Variants in AP3B1 observed in about 807,000 individuals in gnomAD.
AP3B1 encodes the protein AP-3 complex subunit beta-1.
In AP3B1, 61 loss-of-function variants were observed where a neutral mutation model predicts 132.5. The observed-to-expected ratio is 0.46, with a 90% CI of 0.37 to 0.57. AP3B1 has a LOEUF of 0.57. AP3B1 is among the 20% of genes least tolerant of loss of function. The probability of loss-of-function intolerance (pLI) is 0.00; values close to 1 mark genes in which losing one functional copy is unlikely to be tolerated. For missense variants in AP3B1, 1,120 were observed against 1,289.4 expected (o/e 0.87, Z 2.01); for synonymous variants, 388 against 438.3 (o/e 0.89, Z 1.43).
intron 24 of AP3B1, 111 bp from the exon 25 acceptor site, chr5:78,020,900 CT>C: frequency 4.6e-6 from 4 of 876,826 alleles, no homozygotes; most frequent in Non-Finnish European, 7.2e-6. Context: ...AGTATAAGAC[CT>C]TTTTGGTTTA....
chr5:78,074,899 C>T (rs568343549), intron 22 of AP3B1, among the ~76,000 whole-genome samples: 1 of 152,140 alleles, frequency 6.6e-6, no homozygotes, highest in Non-Finnish European at 1.5e-5. Flanking sequence ...CGCCACTGCA[C>T]TGCAGCCTGG....
intron 1 of AP3B1, among the ~76,000 whole-genome samples, chr5:78,287,950 T>C (rs1208482128): frequency 6.6e-6 from 1 of 152,152 alleles, no homozygotes; most frequent in Admixed American, 6.5e-5. Flanking sequence ...TGTATAACAG[T>C]ATGCTGACAA....
rs765309616 is a variant in AP3B1, at chr5:78,039,031, A to ATTAATAT, written c.2809+5_2809+11dup. On this transcript the variant is annotated intron_variant, in intron 23 of 26. Coordinates refer to ENST00000255194, the MANE Select transcript of AP3B1 (RefSeq NM_003664.5). ...AATATAGTTAAGGTTTTAAATGAGA[A>ATTAATAT]TTAATATTTACCTATTGGATTAAAA... The ATTAATAT allele has an allele frequency of 2.0e-6, 3 of 1,465,920 alleles. No individual in the cohort carries two copies. Among genetic ancestry groups the ATTAATAT allele is most frequent in the Non-Finnish European group, 1.9e-6 (2 of 1,048,448 alleles). 90.8% of individuals were successfully genotyped at this position (1,465,920 alleles called of 1,614,324 possible). A position where few individuals can be genotyped will look rare whatever the true frequency, so the allele number is the denominator to read the frequency against.
chr5:78,286,318 C>T (rs1171409973), intron 1 of AP3B1, among the ~76,000 whole-genome samples: 1 of 152,098 alleles, frequency 6.6e-6, no homozygotes, highest in Non-Finnish European at 1.5e-5. Context: ...ACTTAATGGC[C>T]AATATGATAG....
intron 22 of AP3B1, among the ~76,000 whole-genome samples, chr5:78,060,234 A>T (rs1435387765): frequency 1.3e-5 from 2 of 152,208 alleles, no homozygotes; most frequent in Non-Finnish European, 1.5e-5. Flanking sequence ...TTCTGCAACC[A>T]TTTGTGTCAA....
chr5:78,108,385 A>AGAAT (rs1192201010), intron 20 of AP3B1, among the ~76,000 whole-genome samples: 23 of 152,328 alleles, frequency 1.5e-4, no homozygotes, highest in South Asian at 2.1e-4. Flanking sequence ...CATGGTATAC[A>AGAAT]CCAAATCATT....
intron 22 of AP3B1, among the ~76,000 whole-genome samples, chr5:78,069,330 C>T (rs987150232): frequency 6.6e-6 from 1 of 152,162 alleles, no homozygotes; most frequent in African/African-American, 2.4e-5. Context: ...TTGCAGATGA[C>T]ATGATCTTAT....
At chr5:78,030,288 T>C (rs1227254006) in intron 24 of AP3B1, among the ~76,000 whole-genome samples, 1 of 152,108 alleles carries the variant, frequency 6.6e-6, no homozygotes, top group Non-Finnish European at 1.5e-5. Context: ...CAGGCATGCA[T>C]CACCATGCCT....
Position 78,294,645 on chromosome 5 carries a change from G to T in AP3B1, c.-66C>A. 1 of 1,609,792 alleles carries T rather than the reference G, an allele frequency of 6.2e-7. No individual in the cohort carries two copies. The highest frequency in any genetic ancestry group is 8.5e-7 in the Non-Finnish European group (1 of 1,179,228). On this transcript the variant is annotated 5_prime_UTR_variant, in exon 1 of 27. In the 5' UTR this introduces an upstream ATG that the reference lacks. Coordinates refer to ENST00000255194, the MANE Select transcript of AP3B1 (RefSeq NM_003664.5). ...GTTCTCTCCAAAAGGTTCCAGTCCA[G>T]AGGGCACGGAACAAAACTAGTTCTC... is the stretch of plus-strand genomic sequence containing the variant.
At chr5:78,207,090 T>C (rs1223673814) in intron 7 of AP3B1, among the ~76,000 whole-genome samples, 1 of 152,036 alleles carries the variant, frequency 6.6e-6, no homozygotes, top group Non-Finnish European at 1.5e-5. Context: ...AAACCCCGTC[T>C]CTACCAGAAA....
chr5:78,176,547 A>C (rs993408364), intron 9 of AP3B1, among the ~76,000 whole-genome samples: 1 of 152,196 alleles, frequency 6.6e-6, no homozygotes, highest in Non-Finnish European at 1.5e-5. Context: ...CAAGCACTCA[A>C]TGAAAAACAT....
intron 7 of AP3B1, among the ~76,000 whole-genome samples, chr5:78,189,101 G>A (rs1744720596): frequency 6.6e-6 from 1 of 152,148 alleles, no homozygotes; most frequent in Admixed American, 6.5e-5. Flanking sequence ...AGAGCATTAG[G>A]GAAAAGAGCT....
chr5:78,167,856 G>C (rs1247665024), intron 11 of AP3B1, among the ~76,000 whole-genome samples: 1 of 151,882 alleles, frequency 6.6e-6, no homozygotes, highest in Non-Finnish European at 1.5e-5. Flanking sequence ...TGGACTTTGG[G>C]GGCTCAGGGG....
At chr5:78,228,301 T>C in intron 3 of AP3B1, 62 bp from the exon 4 acceptor site, 1 of 1,152,268 alleles carries the variant, frequency 8.7e-7, no homozygotes, top group Middle Eastern at 1.9e-4. Context: ...GTATTTGCTA[T>C]ACCAAAATCC....
In AP3B1 at chr5:78,027,347, G is replaced by A. The variant is rs180964192; in HGVS notation, c.2895-6558C>T. Among the ~76,000 whole-genome samples the A allele has an allele frequency of 2.6e-3, 398 of 151,968 alleles. 1 individual carries two copies. Among genetic ancestry groups the A allele is most frequent in the African/African-American group, 8.8e-3 (366 of 41,450 alleles). ...ACTGCATGGTCTGTTCTTTCCCCAC[G>A]GATTTGAAATGTCACCTTTATGACA... On this transcript the variant is annotated intron_variant, in intron 24 of 26. Transcript: ENST00000255194.
At chr5:78,074,761 C>A (rs1357828996) in intron 22 of AP3B1, among the ~76,000 whole-genome samples, 1 of 152,148 alleles carries the variant, frequency 6.6e-6, no homozygotes, top group Admixed American at 6.5e-5. Context: ...CCAGCCTGAC[C>A]AACATGGAGA....
At chr5:78,033,540 T>C (rs1580262208) in intron 24 of AP3B1, among the ~76,000 whole-genome samples, 1 of 152,156 alleles carries the variant, frequency 6.6e-6, no homozygotes, top group African/African-American at 2.4e-5. Flanking sequence ...TTTTAAATCA[T>C]AACAAATTCT....
chr5:78,107,204 A>G (rs553272502), intron 20 of AP3B1, among the ~76,000 whole-genome samples: 2 of 152,312 alleles, frequency 1.3e-5, no homozygotes, highest in Admixed American at 1.3e-4. Context: ...AGTAAGAACA[A>G]AAGGGATGCA....
At chr5:78,065,571 G>C (rs184565478) in intron 22 of AP3B1, among the ~76,000 whole-genome samples, 1 of 152,310 alleles carries the variant, frequency 6.6e-6, no homozygotes, top group East Asian at 1.9e-4. Flanking sequence ...CTTCTTTAGA[G>C]TGAACATGGA....
Sources: allele counts gnomAD v4.1 joint callset (sites outside exome capture counted in the v4.1 genomes callset), GRCh38; gene constraint gnomAD v4.1.1; transcripts MANE v1.5; gene names NCBI Gene and HGNC (gene_info 2026-07-23, HGNC 2026-07-21).